MYO1E: variants seen among roughly 807,000 people sequenced by gnomAD.
MYO1E encodes myosin IE, also known as unconventional myosin-Ie.
Under a neutral mutation model 151.1 loss-of-function variants are expected in MYO1E, and 68 were observed. The ratio of observed to expected loss-of-function variants is 0.45; its 90% confidence interval spans 0.37 to 0.55. The LOEUF (loss-of-function observed/expected upper bound fraction) is 0.55, where lower values mean the gene tolerates loss of function less well. MYO1E is among the 20% of genes least tolerant of loss of function. The probability of loss-of-function intolerance (pLI) is 0.00; values close to 1 mark genes in which losing one functional copy is unlikely to be tolerated. For synonymous variants in MYO1E, 601 were observed against 501.7 expected (o/e 1.20, Z -2.64); for missense variants, 1,363 against 1,389.3 (o/e 0.98, Z 0.30).
intron 1 of MYO1E, among the ~76,000 whole-genome samples, chr15:59,335,791 A>G (rs1265247377): frequency 6.6e-6 from 1 of 152,206 alleles, no homozygotes; most frequent in African/African-American, 2.4e-5. Context: ...ACGCATTCAA[A>G]TGACTCCCCT....
At chr15:59,340,518 G>T (rs1243979226) in intron 1 of MYO1E, among the ~76,000 whole-genome samples, 1 of 152,070 alleles carries the variant, frequency 6.6e-6, no homozygotes, top group South Asian at 2.1e-4. Flanking sequence ...TTTCTATGAC[G>T]TCACTCACTG....
rs926197354 is a variant in MYO1E, at chr15:59,183,464, T to C, written c.1904+4654A>G. ...ATCCTCCTGCCTCAGCCTCCCAGTG[T>C]TCTGGGATTACAGGCATGAGCCACT... On this transcript the variant is annotated intron_variant, in intron 18 of 27. Coordinates refer to ENST00000288235, the MANE Select transcript of MYO1E (RefSeq NM_004998.4). 3.0e-4 allele frequency among the ~76,000 whole-genome samples: 45 copies of C among 152,130 alleles called. 1 individual carries two copies. Among genetic ancestry groups the C allele is most frequent in the African/African-American group, 1.1e-3 (45 of 41,520 alleles).
At chr15:59,369,983 T>A (rs2080935768) in intron 1 of MYO1E, among the ~76,000 whole-genome samples, 1 of 152,174 alleles carries the variant, frequency 6.6e-6, no homozygotes. Flanking sequence ...TTCTTCTTAA[T>A]ATTTTTTAAC....
intron 19 of MYO1E, among the ~76,000 whole-genome samples, chr15:59,176,677 G>A (rs575206337): frequency 3.3e-5 from 5 of 152,038 alleles, no homozygotes; most frequent in Non-Finnish European, 7.4e-5. Context: ...GCCCAGTCTT[G>A]AACTCCTGGC....
chr15:59,214,546 GT>G (rs1342301197), intron 11 of MYO1E, 93 bp downstream of exon 11: 2 of 1,256,966 alleles, frequency 1.6e-6, no homozygotes, highest in Admixed American at 1.7e-5. Context: ...TTTGTTTTCT[GT>G]TTTTTTGTTT....
In MYO1E at chr15:59,313,892, T is replaced by C. The variant is rs1277073752; in HGVS notation, c.4-41443A>G. Among the ~76,000 whole-genome samples the C allele has an allele frequency of 3.3e-5, 5 of 152,228 alleles. No individual in the cohort carries two copies. In the East Asian group the frequency reaches 9.6e-4, roughly 29 times the overall value. ...ACATGAAATTATGAGAATGACTTAATTGCTCCTGTGCATTCGAAACCTGAG... is the reference window on the plus strand; with the variant it reads ...ACATGAAATTATGAGAATGACTTAACTGCTCCTGTGCATTCGAAACCTGAG... On this transcript the variant is annotated intron_variant, in intron 1 of 27. Transcript: ENST00000288235.
At chr15:59,166,862 G>A (rs1596348834) in intron 22 of MYO1E, among the ~76,000 whole-genome samples, 1 of 152,222 alleles carries the variant, frequency 6.6e-6, no homozygotes, top group South Asian at 2.1e-4. Flanking sequence ...CTCCTCTCTT[G>A]TGTCCCAGGA....
chr15:59,311,286 T>A (rs1376430198), intron 1 of MYO1E, among the ~76,000 whole-genome samples: 1 of 152,052 alleles, frequency 6.6e-6, no homozygotes, highest in Non-Finnish European at 1.5e-5. Context: ...CCTCACATCA[T>A]CAGGCATTAG....
intron 5 of MYO1E, among the ~76,000 whole-genome samples, chr15:59,234,657 CA>C (rs1421417915): frequency 4.6e-5 from 7 of 151,774 alleles, no homozygotes; most frequent in African/African-American, 1.7e-4. Flanking sequence ...CTGTCCCTAC[CA>C]AAAACAAACA....
rs1236782698 is a variant in MYO1E at position 59,159,305 on chromosome 15, G to C, written c.2786-926C>G. Among the ~76,000 whole-genome samples the C allele has an allele frequency of 2.6e-5, 4 of 152,204 alleles. No individual in the cohort carries two copies. On this transcript the variant is annotated intron_variant, in intron 24 of 27. Transcript: ENST00000288235. This position sits in a 1 kb window ranked among gnomAD's most constrained non-coding sequence, Gnocchi z 4.4. ...AATAAGATAGAATCCAACACCTATT[G>C]GGCAATTTCCCCTCGGGGGCCCGCC...
intron 1 of MYO1E, among the ~76,000 whole-genome samples, chr15:59,304,299 A>G (rs2080502053): frequency 6.6e-6 from 1 of 152,060 alleles, no homozygotes; most frequent in Non-Finnish European, 1.5e-5. Flanking sequence ...CTTTTTCTAT[A>G]TGAGAAAGGT....
At chr15:59,191,334 G>A in intron 17 of MYO1E, among the ~76,000 whole-genome samples, 1 of 79,292 alleles carries the variant, frequency 1.3e-5, no homozygotes, top group South Asian at 8.7e-4. Context: ...GACAGAGACA[G>A]AGAGAGAGAG....
intron 26 of MYO1E, among the ~76,000 whole-genome samples, chr15:59,148,009 C>G (rs1164284001): frequency 6.6e-6 from 1 of 152,180 alleles, no homozygotes; most frequent in African/African-American, 2.4e-5. Flanking sequence ...ATTAAAATTT[C>G]CTTGCAAGAC....
intron 1 of MYO1E, among the ~76,000 whole-genome samples, chr15:59,368,945 T>G (rs1246384216): frequency 2.0e-5 from 3 of 152,208 alleles, no homozygotes; most frequent in African/African-American, 7.2e-5. Flanking sequence ...CACTTGTCCC[T>G]AGATAATGTC....
At position 59,141,999 on chromosome 15, in the gene MYO1E, C is replaced by T. The variant is rs1222938310; in HGVS notation, c.3081-3632G>A. ...GCGGGCGCTTGTAGTCCCAGCTATTCGGGAGGCTGAGGCAGGAGAATGGCG... is the reference window on the plus strand; with the variant it reads ...GCGGGCGCTTGTAGTCCCAGCTATTTGGGAGGCTGAGGCAGGAGAATGGCG... On this transcript the variant is annotated intron_variant, in intron 26 of 27. Coordinates refer to ENST00000288235, the MANE Select transcript of MYO1E (RefSeq NM_004998.4). Among the ~76,000 whole-genome samples the T allele has an allele frequency of 9.8e-5, 14 of 143,480 alleles. No homozygotes were observed. The South Asian group carries it at 1.3e-3, about 14-fold the overall frequency. The allele number at this position is 143,480 out of a possible 152,430, so 94.1% of individuals were successfully genotyped here.
intron 2 of MYO1E, among the ~76,000 whole-genome samples, chr15:59,267,085 G>C (rs535966685): frequency 7.6e-6 from 1 of 131,480 alleles, no homozygotes; most frequent in Non-Finnish European, 1.5e-5. Flanking sequence ...GAGTGCAGTG[G>C]TGCAATCTCG....
At chr15:59,178,815 G>C (rs1253904719) in intron 18 of MYO1E, among the ~76,000 whole-genome samples, 1 of 152,230 alleles carries the variant, frequency 6.6e-6, no homozygotes, top group Non-Finnish European at 1.5e-5. Flanking sequence ...TTCTACCACT[G>C]TCTGAAAATA....
At chr15:59,264,754 C>T (rs2080243328) in intron 2 of MYO1E, 1 of 152,242 alleles carries the variant, frequency 6.6e-6, no homozygotes, top group Non-Finnish European at 1.5e-5. Flanking sequence ...GTTGTGGTGG[C>T]TCAAGCCTGT....
At chr15:59,145,960 C>T (rs372533065) in intron 26 of MYO1E, among the ~76,000 whole-genome samples, 5 of 152,310 alleles carry the variant, frequency 3.3e-5, no homozygotes, top group South Asian at 2.1e-4. Flanking sequence ...GCTGCCCTCA[C>T]GACAGCACAG....
Sources: gnomAD v4.1 joint callset for allele counts (sites outside exome capture counted in the v4.1 genomes callset) on GRCh38, gnomAD v4.1.1 for gene constraint, Gnocchi (gnomAD v3.1) non-coding constraint, MANE v1.5 for transcripts, NCBI Gene and HGNC (gene_info 2026-07-23, HGNC 2026-07-21) for gene names.